The following OSBPL10 variants were observed in gnomAD, a reference collection of about 807,000 sequenced individuals.
OSBPL10 encodes oxysterol binding protein like 10, also known as oxysterol-binding protein-related protein 10.
OSBPL10 carries 49 observed loss-of-function variants against 81.7 expected under a neutral mutation model. That is an observed-to-expected ratio of 0.60 (90% CI 0.48 to 0.76). The LOEUF (loss-of-function observed/expected upper bound fraction) is 0.76. Among genes scored for constraint, OSBPL10 ranks in the 30% least tolerant of loss-of-function variants. The probability of loss-of-function intolerance (pLI) is 0.00; values close to 1 mark genes in which losing one functional copy is unlikely to be tolerated. For missense variants in OSBPL10, 923 were observed against 987.8 expected (o/e 0.93, Z 0.88); for synonymous variants, 419 against 383.6 (o/e 1.09, Z -1.08).
At chr3:31,935,466 T>C (rs11927171) in intron 1 of OSBPL10, among the ~76,000 whole-genome samples, 14,170 of 151,930 alleles carry the variant, frequency 0.093, 954 homozygotes, top group Admixed American at 0.21. Context: ...TGGGAAATGC[T>C]GCTTTGGGAA....
chr3:31,824,135 T>C (rs144047676), intron 4 of OSBPL10, among the ~76,000 whole-genome samples: 6 of 152,292 alleles, frequency 3.9e-5, no homozygotes, highest in Admixed American at 2.0e-4. Context: ...GATGGAATTA[T>C]AGGCATGAGC....
chr3:32,041,461 G>A (rs541361028), intron 2 of OSBPL10, among the ~76,000 whole-genome samples: 4 of 152,154 alleles, frequency 2.6e-5, no homozygotes, highest in South Asian at 2.1e-4. Flanking sequence ...GAAACACCCC[G>A]TGAGGTCTCT....
At chr3:31,864,736 T>C (rs2125604548) in intron 3 of OSBPL10, among the ~76,000 whole-genome samples, 1 of 152,068 alleles carries the variant, frequency 6.6e-6, no homozygotes, top group East Asian at 1.9e-4. Context: ...GGACCCGAAA[T>C]GAGTGGGCAT....
intron 2 of OSBPL10, among the ~76,000 whole-genome samples, chr3:31,877,577 GA>G (rs34135743): frequency 0.15 from 21,700 of 145,222 alleles, 1,949 homozygotes; most frequent in African/African-American, 0.25. Flanking sequence ...TGTTGACTAT[GA>G]AAAAAAAAAA....
chr3:31,989,895 C>A (rs1355285683), intron 2 of OSBPL10: 8 of 1,614,148 alleles, frequency 5.0e-6, no homozygotes, highest in Middle Eastern at 3.3e-4. Context: ...AGAAGCGATA[C>A]CTTGCATGCC....
At chr3:32,044,426 C>A (rs1342550697) in intron 2 of OSBPL10, among the ~76,000 whole-genome samples, 1 of 149,126 alleles carries the variant, frequency 6.7e-6, no homozygotes, top group African/African-American at 2.4e-5. Flanking sequence ...ATTTTAATGG[C>A]AAACAGTTGT....
chr3:31,875,689 C>T (rs762720223), intron 3 of OSBPL10, among the ~76,000 whole-genome samples: 46 of 151,948 alleles, frequency 3.0e-4, no homozygotes, highest in Admixed American at 3.3e-4. Context: ...CAGATGGAAT[C>T]ATCAGAAGTT....
chr3:31,950,819 C>G (rs1697846541), intron 1 of OSBPL10, among the ~76,000 whole-genome samples: 1 of 152,176 alleles, frequency 6.6e-6, no homozygotes. Context: ...ATCTCCTCCT[C>G]TCTCTCTTGC....
intron 3 of OSBPL10, among the ~76,000 whole-genome samples, chr3:31,864,792 C>T (rs528505304): frequency 6.6e-6 from 1 of 152,196 alleles, no homozygotes; most frequent in South Asian, 2.1e-4. Flanking sequence ...AAGTTTGGTG[C>T]CACTAACGAT....
At chr3:31,692,348 C>T (rs1695584530) in intron 7 of OSBPL10, among the ~76,000 whole-genome samples, 1 of 152,092 alleles carries the variant, frequency 6.6e-6, no homozygotes, top group Non-Finnish European at 1.5e-5. Context: ...CCAGTGCCTA[C>T]CTAGTATCCA....
intron 6 of OSBPL10, 163 bp downstream of exon 6, chr3:31,733,094 C>T (rs185231424): frequency 3.2e-4 from 277 of 875,310 alleles, no homozygotes; most frequent in Non-Finnish European, 4.3e-4. Flanking sequence ...ATGAGAAGTG[C>T]CGGGCATGCA....
chr3:31,850,898 GAGA>G (rs1395732260), intron 3 of OSBPL10, among the ~76,000 whole-genome samples: 1 of 152,192 alleles, frequency 6.6e-6, no homozygotes, highest in Non-Finnish European at 1.5e-5. Context: ...TAGAACTATT[GAGA>G]AGAATACTCG....
At chr3:31,824,260 T>A (rs1216226707) in intron 4 of OSBPL10, among the ~76,000 whole-genome samples, 1 of 152,012 alleles carries the variant, frequency 6.6e-6, no homozygotes, top group Non-Finnish European at 1.5e-5. Flanking sequence ...GATAAATGGA[T>A]GCAGGAAGAG....
At chr3:31,842,585 G>C (rs1442587372) in intron 3 of OSBPL10, among the ~76,000 whole-genome samples, 2 of 152,222 alleles carry the variant, frequency 1.3e-5, no homozygotes, top group African/African-American at 4.8e-5. Context: ...ACAGACGTTA[G>C]AGCACATGAA....
chr3:32,003,572 T>C (rs1699171984), intron 2 of OSBPL10, among the ~76,000 whole-genome samples: 1 of 152,210 alleles, frequency 6.6e-6, no homozygotes, highest in Non-Finnish European at 1.5e-5. Context: ...TTCTGAGAAC[T>C]GAATATACCA....
chr3:31,810,058 A>G (rs1699639279), intron 4 of OSBPL10, among the ~76,000 whole-genome samples: 1 of 151,928 alleles, frequency 6.6e-6, no homozygotes, highest in African/African-American at 2.4e-5. Context: ...TTTGATAGAG[A>G]CAGGGTCTCT....
At chr3:31,989,634 T>C in intron 2 of OSBPL10, 1 of 1,614,200 alleles carries the variant, frequency 6.2e-7, no homozygotes, top group Non-Finnish European at 8.5e-7. Context: ...CTATCAACGA[T>C]GCTTCCTCAG....
intron 1 of OSBPL10, among the ~76,000 whole-genome samples, chr3:31,920,413 G>C (rs1007127786): frequency 6.6e-6 from 1 of 152,336 alleles, no homozygotes; most frequent in East Asian, 1.9e-4. Context: ...TACTGAAGGA[G>C]GTAGGAGAAA....
intron 4 of OSBPL10, among the ~76,000 whole-genome samples, chr3:31,753,683 T>A (rs1360889549): frequency 3.9e-5 from 6 of 152,206 alleles, no homozygotes; most frequent in Non-Finnish European, 7.3e-5. Flanking sequence ...ATAAAAACCA[T>A]CAACACTCTG....
Sources: allele counts gnomAD v4.1 joint callset (sites outside exome capture counted in the v4.1 genomes callset), GRCh38; gene constraint gnomAD v4.1.1; transcripts MANE v1.5; gene names NCBI Gene and HGNC (gene_info 2026-07-23, HGNC 2026-07-21).